BMP2K: variants seen among roughly 807,000 people sequenced by gnomAD.
The protein encoded by BMP2K is BMP-2-inducible protein kinase.
In BMP2K, 74 loss-of-function variants were observed where a neutral mutation model predicts 116.0. That is an observed-to-expected ratio of 0.64 (90% CI 0.53 to 0.77). BMP2K has a LOEUF of 0.77. Ranked by LOEUF, BMP2K falls within the 30% of genes least tolerant of loss-of-function variation. The pLI, the probability that BMP2K is intolerant of heterozygous loss-of-function variation, is 0.00. For synonymous variants in BMP2K, 486 were observed against 502.5 expected, an observed-to-expected ratio of 0.97 and a Z score of 0.44; for missense variants, 1,365 against 1,403.6, an observed-to-expected ratio of 0.97 and a Z score of 0.44.
intron 3 of BMP2K, among the ~76,000 whole-genome samples, chr4:78,834,041 T>A (rs548529776): frequency 4.6e-5 from 7 of 152,318 alleles, no homozygotes; most frequent in Admixed American, 2.0e-4. Flanking sequence ...TCCAGAACTC[T>A]ACTACGTTAT....
intron 14 of BMP2K, among the ~76,000 whole-genome samples, chr4:78,884,058 C>T (rs1732972331): frequency 6.6e-6 from 1 of 151,734 alleles, no homozygotes; most frequent in African/African-American, 2.4e-5. Context: ...AACAAACGTG[C>T]TGAGAGGCTG....
rs375536677 is a variant in BMP2K at position 78,887,184 on chromosome 4, G to A, written c.1962G>A (p.Glu654=). The A allele has an allele frequency of 1.8e-5, 29 of 1,604,526 alleles. No homozygotes were observed. The African/African-American group carries it at 3.5e-4, about 19-fold the overall frequency. ...ATCTTATTTTTGCAGATAGGCTCGA[G>A]GAGAGAGCATCCTCAGATAAGAATG... ...EFDLLRSNRL[E]ERASSDKNVD... is the part of the protein sequence containing the mutation. Residue 654 remains glutamate, a synonymous_variant, in exon 15 of 16, where the codon GAG becomes GAA. Coordinates refer to ENST00000502613, the MANE Select transcript of BMP2K (RefSeq NM_198892.2).
At chr4:78,842,235 A>T in intron 3 of BMP2K, 150 bp from the exon 4 acceptor site, 1 of 536,882 alleles carries the variant, frequency 1.9e-6, no homozygotes, top group Non-Finnish European at 3.1e-6. Flanking sequence ...TCATTGAATT[A>T]ATACAGTATG....
At position 78,872,687 on chromosome 4, in the gene BMP2K, C is replaced by T. The variant is rs960977833; in HGVS notation, c.1682C>T (p.Ser561Leu). ...CATCAGCCGTCTCAACAACAGGCAT[C>T]ACCTGAATATCTTACCTCCCCTCAA... ...AQHQPSQQQA[S>L]PEYLTSPQEF... The change falls in exon 13 of 16, where the codon TCA becomes TTA. Residue 561 changes from serine (S) to leucine (L), a missense_variant. Ser to Leu is a moderately radical substitution (Grantham distance 145). Coordinates refer to ENST00000502613, the MANE Select transcript of BMP2K (RefSeq NM_198892.2). The T allele has an allele frequency of 7.4e-6, 12 of 1,614,160 alleles. No homozygotes were observed. The highest frequency in any genetic ancestry group is 1.6e-4 in the Middle Eastern group (1 of 6,062).
In BMP2K at chr4:78,887,278, C is replaced by T. The variant is rs747259193; in HGVS notation, c.2056C>T (p.His686Tyr). The change falls in exon 15 of 16, where the codon CAT becomes TAT. Residue 686 changes from histidine to tyrosine, a missense_variant. By Grantham distance (83) the His-to-Tyr change is moderately conservative. Coordinates refer to ENST00000502613, the MANE Select transcript of BMP2K (RefSeq NM_198892.2). Reference sequence around the variant, plus strand: ...TTTTGGTTCTGTTCCTTTCATTTCTCATTCAGGCAAGTTACACATGTAACA... The same window carrying T: ...TTTTGGTTCTGTTCCTTTCATTTCTTATTCAGGCAAGTTACACATGTAACA... ...DPFGSVPFIS[H>Y]SGSPEKKAEH... 1 of 1,601,746 alleles carries T rather than the reference C, an allele frequency of 6.2e-7. No homozygotes were observed. Among genetic ancestry groups the T allele is most frequent in the South Asian group, 1.1e-5 (1 of 89,010 alleles).
chr4:78,806,142 G>A (rs1360682365), intron 1 of BMP2K, among the ~76,000 whole-genome samples: 1 of 146,472 alleles, frequency 6.8e-6, no homozygotes, highest in Non-Finnish European at 1.5e-5. Context: ...GATAGGGGGT[G>A]TGTGTGTGTG....
At chr4:78,784,823 C>T (rs1030492619) in intron 1 of BMP2K, among the ~76,000 whole-genome samples, 3 of 152,182 alleles carry the variant, frequency 2.0e-5, no homozygotes, top group Admixed American at 6.5e-5. Flanking sequence ...TGCATTGTGA[C>T]GTTTTGACTT....
At chr4:78,874,911 TA>T (rs1165623643) in intron 13 of BMP2K, among the ~76,000 whole-genome samples, 1 of 151,862 alleles carries the variant, frequency 6.6e-6, no homozygotes, top group Non-Finnish European at 1.5e-5. Flanking sequence ...GTGTAACTAT[TA>T]AAAAATAAGT....
In BMP2K at chr4:78,915,867, CTT is replaced by C. The variant is rs1577997650; in HGVS notation, c.*3838_*3839del. The C allele has an allele frequency of 6.6e-6, 1 of 151,816 alleles. No individual in the cohort carries two copies. Among genetic ancestry groups the C allele is most frequent in the South Asian group, 2.1e-4 (1 of 4,828 alleles). 9.4% of individuals were successfully genotyped at this position (151,816 alleles called of 1,614,324 possible). A position where few individuals can be genotyped will look rare whatever the true frequency, so the allele number is the denominator to read the frequency against. On this transcript the variant is annotated 3_prime_UTR_variant, in exon 16 of 16. Coordinates refer to ENST00000502613, the MANE Select transcript of BMP2K (RefSeq NM_198892.2). ...AAAGAATTGTTTTTATGACTATGCT[CTT>C]TTTGTGATTGAAAAGTCATCTAATA...
intron 6 of BMP2K, 133 bp downstream of exon 6, chr4:78,847,402 A>G: frequency 2.3e-6 from 1 of 430,910 alleles, no homozygotes; most frequent in Non-Finnish European, 4.0e-6. Context: ...AGAGCTTCTT[A>G]CTTGGGAGAA....
intron 15 of BMP2K, among the ~76,000 whole-genome samples, chr4:78,898,366 GTGTATTGTTTAT>G (rs1733817557): frequency 6.6e-6 from 1 of 151,884 alleles, no homozygotes; most frequent in Admixed American, 6.6e-5. Flanking sequence ...CTACAATAAG[GTGTATTGTTTAT>G]TTTAGATTCT....
intron 1 of BMP2K, among the ~76,000 whole-genome samples, chr4:78,797,138 T>G (rs1001587075): frequency 1.3e-5 from 2 of 152,168 alleles, no homozygotes; most frequent in South Asian, 2.1e-4. Context: ...ATACAGTGCT[T>G]CTTAAACTCT....
chr4:78,869,208 C>T (rs887600320), intron 10 of BMP2K, among the ~76,000 whole-genome samples: 3 of 152,180 alleles, frequency 2.0e-5, no homozygotes, highest in African/African-American at 7.2e-5. Flanking sequence ...ACAGGCTCAA[C>T]ACCAAATGGA....
At chr4:78,825,185 C>A (rs1391609384) in intron 1 of BMP2K, among the ~76,000 whole-genome samples, 2 of 151,978 alleles carry the variant, frequency 1.3e-5, no homozygotes, top group African/African-American at 2.4e-5. Flanking sequence ...GCCTGGGCAA[C>A]AAGAGTGAAA....
chr4:78,893,468 A>G (rs1248373670), intron 15 of BMP2K, among the ~76,000 whole-genome samples: 2 of 152,204 alleles, frequency 1.3e-5, no homozygotes, highest in Non-Finnish European at 2.9e-5. Context: ...TGAAATCTAG[A>G]ATGGTGAATT....
intron 1 of BMP2K, among the ~76,000 whole-genome samples, chr4:78,796,046 T>C (rs1728249924): frequency 1.3e-5 from 2 of 152,138 alleles, no homozygotes; most frequent in African/African-American, 4.8e-5. Context: ...ACTGGGTATA[T>C]ACCCAAAGGA....
Position 78,833,695 on chromosome 4 carries a change from T to G in BMP2K, c.403+8T>G. The G allele has an allele frequency of 6.3e-7, 1 of 1,575,034 alleles. No homozygotes were observed. The highest frequency in any genetic ancestry group is 8.6e-7 in the Non-Finnish European group (1 of 1,156,202). On this transcript the variant is annotated splice_region_variant and intron_variant, in intron 3 of 15. Coordinates refer to ENST00000502613, the MANE Select transcript of BMP2K (RefSeq NM_198892.2). ...TAATGGAATATTGTCGAGGTAAGTA[T>G]TTTTTTGCATTTGTACTGTAATAAA...
chr4:78,860,052 TACTG>T, intron 8 of BMP2K: 1 of 517,094 alleles, frequency 1.9e-6, no homozygotes, highest in East Asian at 5.4e-5. Context: ...TGTAAACAAT[TACTG>T]AGACACGGAG....
chr4:78,781,969 G>A (rs755458414), intron 1 of BMP2K, among the ~76,000 whole-genome samples: 15 of 152,202 alleles, frequency 9.9e-5, no homozygotes, highest in Non-Finnish European at 2.1e-4. Context: ...GTGAGCAGTT[G>A]TGTTGCTGCA....
Sources: gnomAD v4.1 joint callset for allele counts (sites outside exome capture counted in the v4.1 genomes callset) on GRCh38, gnomAD v4.1.1 for gene constraint, MANE v1.5 for transcripts, NCBI Gene and HGNC (gene_info 2026-07-23, HGNC 2026-07-21) for gene names.